Variants in DDAH1 observed in about 807,000 individuals in gnomAD.
DDAH1 encodes N(G),N(G)-dimethylarginine dimethylaminohydrolase 1.
In DDAH1, 19 loss-of-function variants were observed where a neutral mutation model predicts 28.8. The observed-to-expected ratio is 0.66, with a 90% confidence interval of 0.46 to 0.97. The LOEUF is 0.97. DDAH1 is among the 50% of genes least tolerant of loss of function. The probability of loss-of-function intolerance (pLI) is 0.00; values close to 1 mark genes in which losing one functional copy is unlikely to be tolerated. For synonymous variants in DDAH1, 153 were observed against 154.4 expected, an observed-to-expected ratio of 0.99 and a Z score of 0.07; for missense variants, 326 against 375.9, an observed-to-expected ratio of 0.87 and a Z score of 1.10.
intron 1 of DDAH1, among the ~76,000 whole-genome samples, chr1:85,395,238 G>T (rs1651751415): frequency 6.6e-6 from 1 of 152,166 alleles, no homozygotes; most frequent in South Asian, 2.1e-4. Flanking sequence ...CAAAAAAGTT[G>T]TAAGTCTGAG....
At chr1:85,354,190 G>T (rs1041940110) in intron 2 of DDAH1, among the ~76,000 whole-genome samples, 4 of 152,048 alleles carry the variant, frequency 2.6e-5, no homozygotes, top group African/African-American at 9.7e-5. Context: ...GTCATTTATA[G>T]GAGAAACCAG....
intron 1 of DDAH1, among the ~76,000 whole-genome samples, chr1:85,499,787 CT>C (rs1456461060): frequency 6.6e-6 from 1 of 152,202 alleles, no homozygotes; most frequent in Non-Finnish European, 1.5e-5. Context: ...GATTCCCAGA[CT>C]ATTGCAATGT....
At chr1:85,350,276 G>T in intron 4 of DDAH1, 139 bp downstream of exon 4, 2 of 1,086,076 alleles carry the variant, frequency 1.8e-6, no homozygotes, top group Non-Finnish European at 2.6e-6. Flanking sequence ...GGTCACAACA[G>T]TGCACATCAC....
intron 1 of DDAH1, among the ~76,000 whole-genome samples, chr1:85,516,898 T>A (rs1657494993): frequency 6.6e-6 from 1 of 152,200 alleles, no homozygotes; most frequent in Admixed American, 6.5e-5. Context: ...CCTGGAAGCA[T>A]TGCTTACAAA....
intron 1 of DDAH1, among the ~76,000 whole-genome samples, chr1:85,571,616 A>G (rs1424847787): frequency 6.6e-6 from 1 of 152,206 alleles, no homozygotes; most frequent in Non-Finnish European, 1.5e-5. Context: ...GCAGCATGCC[A>G]TACATGTTAT....
At chr1:85,452,588 G>C (rs1377254161) in intron 1 of DDAH1, among the ~76,000 whole-genome samples, 1 of 151,460 alleles carries the variant, frequency 6.6e-6, no homozygotes. Context: ...ATCCACTTAC[G>C]AGTTGAACTT....
At chr1:85,353,786 A>G (rs1000438824) in intron 2 of DDAH1, among the ~76,000 whole-genome samples, 3 of 152,218 alleles carry the variant, frequency 2.0e-5, no homozygotes, top group African/African-American at 7.2e-5. Flanking sequence ...TTCTCTCTGA[A>G]TATGTTTTCT....
intron 1 of DDAH1, among the ~76,000 whole-genome samples, chr1:85,368,775 T>G (rs1261103628): frequency 6.6e-6 from 1 of 152,160 alleles, no homozygotes; most frequent in Admixed American, 6.5e-5. Flanking sequence ...TCCTGAATGT[T>G]GAGAAGCATA....
intron 1 of DDAH1, among the ~76,000 whole-genome samples, chr1:85,563,003 T>C (rs925946264): frequency 5.3e-5 from 8 of 152,178 alleles, no homozygotes; most frequent in African/African-American, 1.9e-4. Flanking sequence ...ACATAGGACA[T>C]CAAACTGCAC....
At chr1:85,422,936 C>T (rs748428568) in intron 1 of DDAH1, among the ~76,000 whole-genome samples, 3 of 152,158 alleles carry the variant, frequency 2.0e-5, no homozygotes, top group Non-Finnish European at 2.9e-5. Context: ...TGCTGCCACC[C>T]TAATCTCAAG....
At chr1:85,512,773 C>T (rs1557709541) in intron 1 of DDAH1, among the ~76,000 whole-genome samples, 1 of 152,064 alleles carries the variant, frequency 6.6e-6, no homozygotes, top group African/African-American at 2.4e-5. Context: ...GAATAAAATA[C>T]CTAGGAATCC....
chr1:85,422,967 T>A (rs932786161), intron 1 of DDAH1, among the ~76,000 whole-genome samples: 4 of 152,216 alleles, frequency 2.6e-5, no homozygotes, highest in Non-Finnish European at 5.9e-5. Flanking sequence ...TCCAGACCTA[T>A]GAGAAAATAA....
At chr1:85,406,141 C>T (rs1652394562) in intron 1 of DDAH1, among the ~76,000 whole-genome samples, 1 of 152,178 alleles carries the variant, frequency 6.6e-6, no homozygotes, top group Non-Finnish European at 1.5e-5. Flanking sequence ...GTAATTTGTT[C>T]AAGGCCACAC....
intron 2 of DDAH1, among the ~76,000 whole-genome samples, chr1:85,483,228 A>AG: frequency 6.6e-6 from 1 of 151,892 alleles, no homozygotes; most frequent in South Asian, 2.1e-4. Flanking sequence ...AAAAAAAAAA[A>AG]AGAATTCTCT....
chr1:85,487,321 C>T (rs139973882), intron 2 of DDAH1, among the ~76,000 whole-genome samples: 116 of 152,264 alleles, frequency 7.6e-4, no homozygotes, highest in African/African-American at 2.7e-3. Context: ...CAGTAGCCAA[C>T]GCAGATCCAA....
chr1:85,341,678 T>C (rs1465701256), intron 4 of DDAH1, among the ~76,000 whole-genome samples: 1 of 151,548 alleles, frequency 6.6e-6, no homozygotes, highest in Non-Finnish European at 1.5e-5. Flanking sequence ...GCCGGGGAGG[T>C]GGCGGGTGCC....
intron 1 of DDAH1, among the ~76,000 whole-genome samples, chr1:85,539,448 T>G (rs1658401893): frequency 6.6e-6 from 1 of 152,178 alleles, no homozygotes; most frequent in African/African-American, 2.4e-5. Flanking sequence ...TTGCCAAAGT[T>G]ACAGATTTCT....
intron 1 of DDAH1, among the ~76,000 whole-genome samples, chr1:85,401,586 A>C (rs1652110503): frequency 7.1e-6 from 1 of 141,322 alleles, no homozygotes; most frequent in African/African-American, 2.7e-5. Flanking sequence ...TGTCACCTTG[A>C]TCTCCTGGGC....
chr1:85,480,214 G>T (rs921121881), intron 2 of DDAH1, among the ~76,000 whole-genome samples: 10 of 152,106 alleles, frequency 6.6e-5, no homozygotes, highest in African/African-American at 2.4e-4. Flanking sequence ...CCATCCCTGG[G>T]TTGCCTCTCT....
Sources: allele counts gnomAD v4.1 joint callset (sites outside exome capture counted in the v4.1 genomes callset), GRCh38; gene constraint gnomAD v4.1.1; transcripts MANE v1.5; gene names NCBI Gene and HGNC (gene_info 2026-07-23, HGNC 2026-07-21).